Variants in TBCCD1 observed in about 807,000 individuals in gnomAD.
TBCCD1 encodes TBCC domain containing 1.
TBCCD1 carries 26 observed loss-of-function variants against 53.4 expected under a neutral mutation model. The observed-to-expected ratio is 0.49, with a 90% CI of 0.36 to 0.68. TBCCD1 has a LOEUF of 0.68. TBCCD1 is among the 30% of genes least tolerant of loss of function. The probability of loss-of-function intolerance (pLI) is 0.00; values close to 1 mark genes in which losing one functional copy is unlikely to be tolerated. For synonymous variants in TBCCD1, 245 were observed against 241.7 expected (o/e 1.01, Z -0.13); for missense variants, 558 against 669.5 (o/e 0.83, Z 1.84).
chr3:186,558,701 T>A, intron 2 of TBCCD1, 129 bp from the exon 3 acceptor site: 1 of 919,698 alleles, frequency 1.1e-6, no homozygotes. Context: ...ACATTGCCAG[T>A]TTTGATATGT....
chr3:186,560,144 G>A (rs537216658), intron 2 of TBCCD1, among the ~76,000 whole-genome samples: 34 of 131,790 alleles, frequency 2.6e-4, no homozygotes, highest in Admixed American at 5.2e-4. Flanking sequence ...GAGACTATAG[G>A]ATCCTTGCCT....
chr3:186,567,138 C>G (rs1714856616), intron 1 of TBCCD1, 129 bp downstream of exon 1: 1 of 152,350 alleles, frequency 6.6e-6, no homozygotes, highest in African/African-American at 2.4e-5. Flanking sequence ...TTCAGGAACA[C>G]AGACGCTCAC....
At chr3:186,561,508 G>T (rs2176810) in intron 2 of TBCCD1, among the ~76,000 whole-genome samples, 32,963 of 152,164 alleles carry the variant, frequency 0.22, 4,333 homozygotes, top group African/African-American at 0.36. Flanking sequence ...TAAAAAATAG[G>T]GCCGGGCGCG....
chr3:186,565,931 A>AT (rs1212196791), intron 1 of TBCCD1, among the ~76,000 whole-genome samples: 1 of 152,176 alleles, frequency 6.6e-6, no homozygotes, highest in East Asian at 1.9e-4. Context: ...TAGCAACATC[A>AT]TTTTTTTAAA....
At chr3:186,557,210 A>C (rs1714568965) in intron 3 of TBCCD1, among the ~76,000 whole-genome samples, 1 of 152,258 alleles carries the variant, frequency 6.6e-6, no homozygotes, top group African/African-American at 2.4e-5. Flanking sequence ...CTTACTATGC[A>C]ATAAGTCCCA....
At chr3:186,569,127 C>T (rs1333050573), upstream of TBCCD1, among the ~76,000 whole-genome samples, 1 of 151,718 alleles carries the variant, frequency 6.6e-6, no homozygotes, top group African/African-American at 2.4e-5. Context: ...CAGGAATGAG[C>T]TCGGTGTATA....
chr3:186,563,351 T>G (rs1714738285), intron 2 of TBCCD1, among the ~76,000 whole-genome samples: 1 of 152,230 alleles, frequency 6.6e-6, no homozygotes. Flanking sequence ...CTTTGTGTAT[T>G]CTTTTATTAT....
chr3:186,553,498 A>G (rs1714436032), intron 6 of TBCCD1: 1 of 152,270 alleles, frequency 6.6e-6, no homozygotes, highest in African/African-American at 2.4e-5. Context: ...AAGTCAGAAC[A>G]GAGAAAAAAA....
rs781059102 is a variant in TBCCD1 at position 186,546,309 on chromosome 3, T to A, written c.*668A>T. 6.6e-6 allele frequency: 1 copy of A among 152,172 alleles called. No individual in the cohort carries two copies. The highest frequency in any genetic ancestry group is 1.5e-5 in the Non-Finnish European group (1 of 68,030). 9.4% of individuals were successfully genotyped at this position (152,172 alleles called of 1,614,324 possible). ...TAACTCTAGAAAGAATAAAACTCTTTCATCACACAAATGAAGATACACACT... is the reference window on the plus strand; with the variant it reads ...TAACTCTAGAAAGAATAAAACTCTTACATCACACAAATGAAGATACACACT... On this transcript the variant is annotated 3_prime_UTR_variant, in exon 8 of 8. Transcript: ENST00000338733.
chr3:186,548,925 A>T (rs959539320), intron 7 of TBCCD1, among the ~76,000 whole-genome samples: 1 of 152,240 alleles, frequency 6.6e-6, no homozygotes, highest in Non-Finnish European at 1.5e-5. Flanking sequence ...GCCATTCCAC[A>T]TGCATATATA....
intron 1 of TBCCD1, among the ~76,000 whole-genome samples, chr3:186,565,995 C>T (rs1024487546): frequency 1.2e-4 from 18 of 151,236 alleles, no homozygotes; most frequent in Admixed American, 9.2e-4. Flanking sequence ...AATTTTATTG[C>T]TATTATTATA....
rs1259313983 is a variant in TBCCD1, at chr3:186,546,865, A to G, written c.*112T>C. ...AAAAAAAAAAGACAGAAAAGTCCCA[A>G]TGTCTCTTAAGCAGCAATAGCACCT... On this transcript the variant is annotated 3_prime_UTR_variant, in exon 8 of 8. Coordinates refer to ENST00000338733, the MANE Select transcript of TBCCD1 (RefSeq NM_018138.5). 6.6e-6 allele frequency: 1 copy of G among 151,644 alleles called. No homozygotes were observed. The highest frequency in any genetic ancestry group is 1.5e-5 in the Non-Finnish European group (1 of 67,968). 9.4% of individuals were successfully genotyped at this position (151,644 alleles called of 1,614,324 possible). A position where few individuals can be genotyped will look rare whatever the true frequency, so the allele number is the denominator to read the frequency against.
rs1714762809 is a variant in TBCCD1, at chr3:186,564,205, ATT to A, written c.123_124del (p.Gln41HisfsTer39). ...CGGGTAAGCTCCTTCTGTGGCCCGGATTTGCACATAGGTGGATATCTTCCTGA... is the reference window on the plus strand; with the variant it reads ...CGGGTAAGCTCCTTCTGTGGCCCGGATGCACATAGGTGGATATCTTCCTGA... On this transcript the variant is annotated frameshift_variant, in exon 2 of 8. Transcript: ENST00000338733. LOFTEE classifies it high-confidence loss of function. The A allele has an allele frequency of 6.2e-7, 1 of 1,614,020 alleles. No homozygotes were observed. The highest frequency in any genetic ancestry group is 1.3e-5 in the African/African-American group (1 of 74,906).
chr3:186,564,778 CAGTT>C (rs1714780617), intron 1 of TBCCD1, among the ~76,000 whole-genome samples: 1 of 152,288 alleles, frequency 6.6e-6, no homozygotes, highest in African/African-American at 2.4e-5. Flanking sequence ...ACACAGAAGA[CAGTT>C]GGTTAAAGAT....
intron 2 of TBCCD1, among the ~76,000 whole-genome samples, chr3:186,561,617 T>C (rs906869893): frequency 2.0e-5 from 3 of 151,970 alleles, no homozygotes; most frequent in African/African-American, 4.8e-5. Flanking sequence ...GTGAACCCCA[T>C]CTCTATTAAA....
Position 186,564,333 on chromosome 3 carries a change from A to C in TBCCD1, c.-4T>G. 1 of 1,590,404 alleles carries C rather than the reference A, an allele frequency of 6.3e-7. No homozygotes were observed. Among genetic ancestry groups the C allele is most frequent in the Non-Finnish European group, 8.6e-7 (1 of 1,166,944 alleles). ...GGAGAACTCTGGACTGATCCATATTATCTCTAAGGACATCAGGGTGAAAAG... is the reference window on the plus strand; with the variant it reads ...GGAGAACTCTGGACTGATCCATATTCTCTCTAAGGACATCAGGGTGAAAAG... On this transcript the variant is annotated 5_prime_UTR_variant, in exon 2 of 8. Transcript: ENST00000338733.
At chr3:186,560,166 A>C (rs1299053086) in intron 2 of TBCCD1, among the ~76,000 whole-genome samples, 2 of 140,322 alleles carry the variant, frequency 1.4e-5, no homozygotes, top group Non-Finnish European at 1.6e-5. Flanking sequence ...TTCCATTTTT[A>C]TACTCCTAGT....
intron 3 of TBCCD1, 148 bp from the exon 4 acceptor site, chr3:186,556,923 C>T (rs549751378): frequency 1.5e-4 from 145 of 986,638 alleles, no homozygotes; most frequent in African/African-American, 1.3e-3. Flanking sequence ...GTGATCCGCC[C>T]GGCTTGGCCT....
In TBCCD1 at chr3:186,554,386, A is replaced by G. The variant is rs1366080338; in HGVS notation, c.1412T>C (p.Ile471Thr). 5.0e-6 allele frequency: 8 copies of G among 1,614,256 alleles called. No homozygotes were observed. The highest frequency in any genetic ancestry group is 6.8e-6 in the Non-Finnish European group (8 of 1,180,050). ...LPPCEFYVFIIPFEMEGDTTE... is the reference protein window; with the variant it reads ...LPPCEFYVFITPFEMEGDTTE... The stretch of plus-strand genomic sequence containing the variant: ...TGTGTCCCCTTCCATTTCAAAGGGA[A>G]TAATAAATACATAGAATTCACAAGG... The change falls in exon 6 of 8, where the codon ATT (isoleucine) becomes ACT (threonine). Residue 471 changes from isoleucine (I) to threonine (T), a missense_variant. Physicochemically the swap from Ile to Thr is moderately conservative, Grantham distance 89 (BLOSUM62 -1). Transcript: ENST00000338733.
Sources: gnomAD v4.1 joint callset for allele counts (sites outside exome capture counted in the v4.1 genomes callset) on GRCh38, gnomAD v4.1.1 for gene constraint, MANE v1.5 for transcripts, NCBI Gene and HGNC (gene_info 2026-07-23, HGNC 2026-07-21) for gene names.